Variants in DNM3 observed in about 807,000 individuals in gnomAD.
The protein encoded by DNM3 is dynamin-3.
A neutral mutation model predicts 101.6 loss-of-function variants in DNM3; 47 were observed. That is an observed-to-expected ratio of 0.46 (90% CI 0.37 to 0.59). The LOEUF (loss-of-function observed/expected upper bound fraction) is 0.59. Among genes scored for constraint, DNM3 ranks in the 20% least tolerant of loss-of-function variants. The pLI is 0.00. For missense variants in DNM3, 849 were observed against 1,085.7 expected, an observed-to-expected ratio of 0.78 and a Z score of 3.06; for synonymous variants, 385 against 387.9, an observed-to-expected ratio of 0.99 and a Z score of 0.09.
chr1:172,373,524 T>C (rs971843461), intron 17 of DNM3, among the ~76,000 whole-genome samples: 1 of 152,106 alleles, frequency 6.6e-6, no homozygotes, highest in Non-Finnish European at 1.5e-5. Flanking sequence ...AATAATTGCA[T>C]CCTTCTATAA....
intron 14 of DNM3, among the ~76,000 whole-genome samples, chr1:172,233,428 C>T (rs577453934): frequency 2.0e-5 from 3 of 152,202 alleles, no homozygotes; most frequent in African/African-American, 7.2e-5. Flanking sequence ...AGTCCAGGAC[C>T]AGACAGATTC....
chr1:172,050,045 A>G (rs1241107104), intron 10 of DNM3, among the ~76,000 whole-genome samples: 1 of 152,038 alleles, frequency 6.6e-6, no homozygotes, highest in East Asian at 1.9e-4. Flanking sequence ...CTTCTCCAAA[A>G]CAAGAAAGAG....
intron 10 of DNM3, among the ~76,000 whole-genome samples, chr1:172,064,536 A>C (rs2051498815): frequency 6.6e-6 from 1 of 152,170 alleles, no homozygotes; most frequent in Non-Finnish European, 1.5e-5. Context: ...TCATTATGAG[A>C]TTAAATGAGA....
intron 14 of DNM3, among the ~76,000 whole-genome samples, chr1:172,217,694 T>A (rs2060755508): frequency 6.6e-6 from 1 of 152,138 alleles, no homozygotes; most frequent in Non-Finnish European, 1.5e-5. Context: ...ACTCTCTCCT[T>A]ACTTTTTTAA....
chr1:172,225,309 G>T (rs958984504), intron 14 of DNM3, among the ~76,000 whole-genome samples: 1 of 151,466 alleles, frequency 6.6e-6, no homozygotes, highest in African/African-American at 2.4e-5. Context: ...GCTAATTTTT[G>T]TATTTTTAGT....
intron 14 of DNM3, among the ~76,000 whole-genome samples, chr1:172,239,089 T>A (rs74868563): frequency 0.044 from 6,664 of 152,232 alleles, 445 homozygotes; most frequent in African/African-American, 0.14. Flanking sequence ...TCTCTCTATA[T>A]GGCTATGGAC....
chr1:172,352,110 C>T (rs2067227276), intron 17 of DNM3, among the ~76,000 whole-genome samples: 1 of 152,138 alleles, frequency 6.6e-6, no homozygotes. Context: ...GACTTCATTC[C>T]ACTGGATGAT....
chr1:172,177,934 G>A (rs1021696003), intron 14 of DNM3, among the ~76,000 whole-genome samples: 1 of 151,732 alleles, frequency 6.6e-6, no homozygotes, highest in African/African-American at 2.4e-5. Flanking sequence ...ATTGCTTAAC[G>A]ATATAATTAT....
chr1:171,996,769 C>G (rs2046023676), intron 4 of DNM3, among the ~76,000 whole-genome samples: 1 of 151,976 alleles, frequency 6.6e-6, no homozygotes, highest in African/African-American at 2.4e-5. Context: ...TGGCTCACAC[C>G]TATAATTCTA....
intron 11 of DNM3, among the ~76,000 whole-genome samples, chr1:172,079,273 G>A (rs1430029968): frequency 3.9e-5 from 6 of 152,044 alleles, no homozygotes; most frequent in Middle Eastern, 3.2e-3. Flanking sequence ...CATAAGTTTG[G>A]TCTTTTCACA....
At chr1:172,133,622 TC>T (rs1485060222) in intron 14 of DNM3, among the ~76,000 whole-genome samples, 1 of 152,140 alleles carries the variant, frequency 6.6e-6, no homozygotes, top group Non-Finnish European at 1.5e-5. Flanking sequence ...GTAATAAATG[TC>T]AGATAGTAAA....
intron 17 of DNM3, among the ~76,000 whole-genome samples, chr1:172,335,853 C>T: frequency 6.6e-6 from 1 of 151,864 alleles, no homozygotes; most frequent in East Asian, 1.9e-4. Context: ...TGCTCAGTAC[C>T]TGGGTGACAG....
At chr1:172,246,988 A>G (rs2061978734) in intron 14 of DNM3, among the ~76,000 whole-genome samples, 1 of 152,202 alleles carries the variant, frequency 6.6e-6, no homozygotes, top group Non-Finnish European at 1.5e-5. Flanking sequence ...AGCAAATTAT[A>G]ATAATTGAAT....
chr1:172,303,869 T>C (rs2064611807), intron 15 of DNM3, among the ~76,000 whole-genome samples: 1 of 152,016 alleles, frequency 6.6e-6, no homozygotes, highest in African/African-American at 2.4e-5. Context: ...TATAAGAGCT[T>C]CTGAAGGAAG....
intron 1 of DNM3, among the ~76,000 whole-genome samples, chr1:171,883,983 T>C (rs114787439): frequency 0.014 from 2,186 of 152,314 alleles, 59 homozygotes; most frequent in African/African-American, 0.048. Flanking sequence ...CTATCTGTGG[T>C]GACAATGTAT....
At chr1:172,239,803 T>C (rs2061681084) in intron 14 of DNM3, among the ~76,000 whole-genome samples, 4 of 77,202 alleles carry the variant, frequency 5.2e-5, no homozygotes, top group Admixed American at 1.3e-4. Context: ...TTTTTCTCTT[T>C]TTTTTTTTTT....
chr1:172,326,881 G>A (rs182794774), intron 17 of DNM3, among the ~76,000 whole-genome samples: 19 of 152,170 alleles, frequency 1.2e-4, no homozygotes, highest in Middle Eastern at 3.4e-3. Context: ...ATGTAAGCTC[G>A]TGCCTTGTGA....
At chr1:172,048,788 T>C in intron 10 of DNM3, 38 bp downstream of exon 10, 1 of 1,601,318 alleles carries the variant, frequency 6.2e-7, no homozygotes, top group Non-Finnish European at 8.5e-7. Context: ...TACGTGGCTT[T>C]GGTTTATCAA....
chr1:171,873,943 G>T (rs893706906), intron 1 of DNM3, among the ~76,000 whole-genome samples: 1 of 152,158 alleles, frequency 6.6e-6, no homozygotes, highest in Non-Finnish European at 1.5e-5. Context: ...TACAGTGAGT[G>T]GTTTCTATTT....
Sources: gnomAD v4.1 joint callset for allele counts (sites outside exome capture counted in the v4.1 genomes callset) on GRCh38, gnomAD v4.1.1 for gene constraint, MANE v1.5 for transcripts, NCBI Gene and HGNC (gene_info 2026-07-23, HGNC 2026-07-21) for gene names.